Variants in CHRM5 observed in about 807,000 individuals in gnomAD.
The protein encoded by CHRM5 is muscarinic acetylcholine receptor M5.
In CHRM5, 18 loss-of-function variants were observed where a neutral mutation model predicts 39.0. That is an observed-to-expected ratio of 0.46 (90% CI 0.32 to 0.68). The LOEUF is 0.68. Among genes scored for constraint, CHRM5 ranks in the 30% least tolerant of loss-of-function variants. The pLI is 0.04. For missense variants in CHRM5, 515 were observed against 651.1 expected (o/e 0.79, Z 2.28); for synonymous variants, 241 against 246.3 (o/e 0.98, Z 0.20).
At chr15:34,011,468 C>T (rs61611317) in intron 1 of CHRM5, among the ~76,000 whole-genome samples, 42,868 of 151,940 alleles carry the variant, frequency 0.28, 7,476 homozygotes, top group African/African-American at 0.49. Context: ...GAACAATGTA[C>T]ATAATAATAA....
At chr15:33,979,633 G>C (rs1165589943) in intron 1 of CHRM5, among the ~76,000 whole-genome samples, 1 of 152,104 alleles carries the variant, frequency 6.6e-6, no homozygotes, top group African/African-American at 2.4e-5. Context: ...AAAAATGAAA[G>C]ATTTGGACCA....
intron 1 of CHRM5, chr15:34,038,813 C>G: frequency 2.5e-6 from 3 of 1,194,382 alleles, no homozygotes; most frequent in East Asian, 7.7e-5. Context: ...AGCCTCCCGG[C>G]TCCCGGCGGC....
At chr15:34,008,948 G>A (rs954106258) in intron 1 of CHRM5, among the ~76,000 whole-genome samples, 11 of 17,926 alleles carry the variant, frequency 6.1e-4, no homozygotes, top group Admixed American at 3.4e-3. Flanking sequence ...TCACACGTGC[G>A]CGCGCGCACA....
At position 34,044,846 on chromosome 15, in the gene CHRM5, G is replaced by T. The variant is rs909096512; in HGVS notation, c.-407-1694G>T. Among the ~76,000 whole-genome samples, 6 of 152,278 alleles carry T rather than the reference G, an allele frequency of 3.9e-5. No individual in the cohort carries two copies. In the East Asian group the frequency reaches 1.2e-3, roughly 29 times the overall value. On this transcript the variant is annotated intron_variant, in intron 1 of 2. Transcript: ENST00000383263. ...CGGGAGGATCATGAGGTCAGGAGAT[G>T]GAGACCATCCTAGCTAATAGGGTGA...
chr15:34,060,515 T>C (rs1253302503), intron 2 of CHRM5, among the ~76,000 whole-genome samples: 1 of 152,212 alleles, frequency 6.6e-6, no homozygotes, highest in African/African-American at 2.4e-5. Context: ...GTGTCAAGAC[T>C]GGCCATAGGC....
At chr15:34,038,867 G>C in intron 1 of CHRM5, 1 of 1,152,142 alleles carries the variant, frequency 8.7e-7, no homozygotes, top group Non-Finnish European at 1.1e-6. Flanking sequence ...CGCGAGCGCC[G>C]CGGAAGCCCC....
intron 1 of CHRM5, among the ~76,000 whole-genome samples, chr15:34,016,338 T>C (rs1176830976): frequency 6.6e-6 from 1 of 152,194 alleles, no homozygotes; most frequent in East Asian, 1.9e-4. Flanking sequence ...CAACAGACTT[T>C]TAAAAATCTT....
intron 1 of CHRM5, among the ~76,000 whole-genome samples, chr15:33,984,766 G>A (rs1037339639): frequency 5.3e-5 from 8 of 152,084 alleles, no homozygotes; most frequent in Admixed American, 2.6e-4. Context: ...CCAGGACTTC[G>A]GTCTTTAAAA....
chr15:33,978,663 A>AAAAT (rs1211263683), intron 1 of CHRM5, among the ~76,000 whole-genome samples: 34 of 152,080 alleles, frequency 2.2e-4, no homozygotes, highest in South Asian at 4.2e-4. Flanking sequence ...ACTCTGTTTC[A>AAAAT]AAATAAATAA....
At chr15:34,024,872 G>A (rs1898381929) in intron 1 of CHRM5, among the ~76,000 whole-genome samples, 1 of 148,106 alleles carries the variant, frequency 6.8e-6, no homozygotes, top group Non-Finnish European at 1.5e-5. Context: ...AAAAAAAAAG[G>A]AAAAAATAAA....
chr15:34,016,254 A>G (rs907751935), intron 1 of CHRM5, among the ~76,000 whole-genome samples: 12 of 152,240 alleles, frequency 7.9e-5, no homozygotes, highest in Admixed American at 1.3e-4. Flanking sequence ...AAACAAAAAC[A>G]AAACCGGAAA....
At chr15:33,984,933 C>T (rs1896357773) in intron 1 of CHRM5, among the ~76,000 whole-genome samples, 1 of 152,094 alleles carries the variant, frequency 6.6e-6, no homozygotes, top group African/African-American at 2.4e-5. Context: ...AAGATCTACC[C>T]TCAAGAGATG....
At chr15:33,977,232 C>G (rs910247522) in intron 1 of CHRM5, among the ~76,000 whole-genome samples, 3 of 152,102 alleles carry the variant, frequency 2.0e-5, no homozygotes, top group African/African-American at 7.2e-5. Context: ...TTACATGAGA[C>G]AGGGAAGCTT....
intron 2 of CHRM5, among the ~76,000 whole-genome samples, chr15:34,054,565 C>G (rs1900056580): frequency 6.6e-6 from 1 of 152,148 alleles, no homozygotes; most frequent in Non-Finnish European, 1.5e-5. Context: ...CCTGAGCAGA[C>G]TAACACAGGA....
chr15:33,997,018 C>T (rs1256306587), intron 1 of CHRM5, among the ~76,000 whole-genome samples: 1 of 152,120 alleles, frequency 6.6e-6, no homozygotes, highest in Non-Finnish European at 1.5e-5. Flanking sequence ...CTTAAATTAC[C>T]CGATGGGGCT....
At chr15:34,038,873 G>GCCCCGGCCACGGCCA (rs1157226817) in intron 1 of CHRM5, 1 of 1,148,002 alleles carries the variant, frequency 8.7e-7, no homozygotes, top group Non-Finnish European at 1.1e-6. Context: ...CGCCGCGGAA[G>GCCCCGGCCACGGCCA]CCCCGGCCAC....
intron 1 of CHRM5, among the ~76,000 whole-genome samples, chr15:34,034,414 G>A (rs375321139): frequency 2.0e-5 from 3 of 148,510 alleles, no homozygotes; most frequent in Admixed American, 1.4e-4. Context: ...GCACTCCAGC[G>A]TGAGCAACAA....
chr15:33,983,562 C>A (rs1597309869), intron 1 of CHRM5, among the ~76,000 whole-genome samples: 1 of 152,042 alleles, frequency 6.6e-6, no homozygotes, highest in South Asian at 2.1e-4. Flanking sequence ...AGAACTAGTT[C>A]CCCTGAACTT....
At position 34,065,141 on chromosome 15, in the gene CHRM5, G is replaced by A. The variant is rs1397976764; in HGVS notation, c.*825G>A. The A allele has an allele frequency of 1.3e-5, 2 of 159,894 alleles. No homozygotes were observed. The highest frequency in any genetic ancestry group is 6.5e-5 in the Admixed American group (1 of 15,280). The allele number at this position is 159,894 out of a possible 1,614,324, so 9.9% of individuals were successfully genotyped here. On this transcript the variant is annotated 3_prime_UTR_variant, in exon 3 of 3. Coordinates refer to ENST00000383263, the MANE Select transcript of CHRM5 (RefSeq NM_012125.4). ...GGAAATTTTTTCTTTTATCTAAACA[G>A]ATATTGTGCATTCTATTTTGTGCCC... is the stretch of plus-strand genomic sequence containing the variant.
Sources: gnomAD v4.1 joint callset for allele counts (sites outside exome capture counted in the v4.1 genomes callset) on GRCh38, gnomAD v4.1.1 for gene constraint, MANE v1.5 for transcripts, NCBI Gene and HGNC (gene_info 2026-07-23, HGNC 2026-07-21) for gene names.